The following NFATC1 variants were observed in gnomAD, a reference collection of about 807,000 sequenced individuals.
NFATC1 encodes nuclear factor of activated T cells 1, also known as nuclear factor of activated T-cells, cytoplasmic 1.
In NFATC1, 22 loss-of-function variants were observed where a neutral mutation model predicts 76.0. That is an observed-to-expected ratio of 0.29 (90% CI 0.21 to 0.41). The LOEUF is 0.41. Ranked by LOEUF, NFATC1 falls within the 10% of genes least tolerant of loss-of-function variation. The probability of loss-of-function intolerance (pLI) is 1.00; values close to 1 mark genes in which losing one functional copy is unlikely to be tolerated. For missense variants in NFATC1, 1,357 were observed against 1,337.7 expected (o/e 1.01, Z -0.23); for synonymous variants, 704 against 613.1 (o/e 1.15, Z -2.19).
At position 79,409,938 on chromosome 18, in the gene NFATC1, C is replaced by T. The variant is rs903720086; in HGVS notation, c.128-465C>T. The T allele has an allele frequency of 6.2e-6, 3 of 481,418 alleles. No homozygotes were observed. In the Admixed American group the frequency reaches 6.6e-5, roughly 11 times the overall value. 29.8% of individuals were successfully genotyped at this position (481,418 alleles called of 1,614,324 possible). A position where few individuals can be genotyped will look rare whatever the true frequency, so the allele number is the denominator to read the frequency against. On this transcript the variant is annotated intron_variant, in intron 1 of 9. Transcript: ENST00000427363. ...GAAAAAATAAACTAGAGAAGGATGG[C>T]CCACGTGTTGAGTTTGGGGTTTAAA...
At chr18:79,510,870 G>A (rs1219518340) in intron 9 of NFATC1, among the ~76,000 whole-genome samples, 2 of 150,230 alleles carry the variant, frequency 1.3e-5, no homozygotes, top group African/African-American at 2.5e-5. Context: ...CCTCTGCCGG[G>A]GCATCTTCCG....
At chr18:79,515,624 A>G (rs939291824) in intron 9 of NFATC1, among the ~76,000 whole-genome samples, 3 of 151,982 alleles carry the variant, frequency 2.0e-5, no homozygotes, top group Admixed American at 6.5e-5. Context: ...CTGCCACCCT[A>G]CAAAGAAGGA....
Position 79,529,107 on chromosome 18 carries a change from A to G in NFATC1, c.*1530A>G, listed in dbSNP as rs555434346. ...CGCGTCTCTTGTGTCTCACTCACGG[A>G]AAGAAACAACCTGAAGGCCATCCCG... On this transcript the variant is annotated 3_prime_UTR_variant, in exon 10 of 10. Transcript: ENST00000427363. 4.2e-4 allele frequency: 64 copies of G among 152,424 alleles called. No individual in the cohort carries two copies. Among genetic ancestry groups the G allele is most frequent in the African/African-American group, 1.5e-3 (63 of 41,574 alleles). The allele number at this position is 152,424 out of a possible 1,614,324, so 9.4% of individuals were successfully genotyped here.
In NFATC1 at chr18:79,518,675, T is replaced by C. The variant is rs189681516; in HGVS notation, c.2783-8853T>C. Among the ~76,000 whole-genome samples, 984 of 152,390 alleles carry C rather than the reference T, an allele frequency of 6.5e-3. 10 individuals are homozygous for C. Among genetic ancestry groups the C allele is most frequent in the African/African-American group, 0.021 (894 of 41,600 alleles). On this transcript the variant is annotated intron_variant, in intron 9 of 9. Transcript: ENST00000427363. ...ACAGCAAGGCTGCTCCTGCCCCCGC[T>C]ACTCACCGCAGTGTGAGGATGGGCT...
At chr18:79,443,468 C>G (rs997652348) in intron 3 of NFATC1, among the ~76,000 whole-genome samples, 2 of 152,212 alleles carry the variant, frequency 1.3e-5, no homozygotes, top group East Asian at 1.9e-4. Context: ...ATGGACACGT[C>G]GTCCTGTTCC....
At chr18:79,408,414 C>T (rs960070034) in intron 1 of NFATC1, among the ~76,000 whole-genome samples, 6 of 152,168 alleles carry the variant, frequency 3.9e-5, no homozygotes, top group African/African-American at 7.2e-5. Context: ...TCCAGAGGCA[C>T]GTCTTTCCTG....
At chr18:79,483,277 A>AGCGTGACCTGGTCCTGGGGCGTCACTCCG (rs1569017657) in intron 8 of NFATC1, among the ~76,000 whole-genome samples, 8 of 110,724 alleles carry the variant, frequency 7.2e-5, no homozygotes, top group African/African-American at 2.5e-4. Context: ...GCGTCACTCC[A>AGCGTGACCTGGTCCTGGGGCGTCACTCCG]GCGTGACCTG....
intron 9 of NFATC1, among the ~76,000 whole-genome samples, chr18:79,520,821 G>GTGTGTA (rs1569053043): frequency 2.3e-5 from 1 of 43,792 alleles, no homozygotes. Flanking sequence ...GTCTGTGTGT[G>GTGTGTA]GGGGGGGGCA....
intron 2 of NFATC1, 34 bp downstream of exon 2, chr18:79,411,535 G>A (rs768522089): frequency 2.9e-6 from 4 of 1,387,250 alleles, no homozygotes; most frequent in East Asian, 2.8e-5. Flanking sequence ...ACGGGGAGGC[G>A]AGGGGAGGCG....
rs375567329 is a variant in NFATC1, at chr18:79,410,488, C to T, written c.213C>T (p.Asn71=). 71 of 1,612,232 alleles carry T rather than the reference C, an allele frequency of 4.4e-5. No individual in the cohort carries two copies. In the Middle Eastern group the frequency reaches 2.8e-3, roughly 63 times the overall value. The change falls in exon 2 of 10, where the codon AAC becomes AAT. Residue 71 remains asparagine, a synonymous_variant. Coordinates refer to ENST00000427363, the MANE Select transcript of NFATC1 (RefSeq NM_001278669.2). The surrounding 1 kb of genome is among the most constrained non-coding windows in gnomAD (Gnocchi z 6.7). The part of the protein sequence containing the change: ...AHSTLPAPCH[N]LQTSTPGIIP... ...CCACCCTGCCGGCCCCGTGCCACAA[C>T]CTTCAGACCTCCACACCGGGCATCA...
rs2085649408 is a variant in NFATC1, at chr18:79,410,916, C to G, written c.641C>G (p.Thr214Ser). 3 of 1,606,774 alleles carry G rather than the reference C, an allele frequency of 1.9e-6. No homozygotes were observed. The highest frequency in any genetic ancestry group is 8.5e-7 in the Non-Finnish European group (1 of 1,177,802). The part of the protein sequence containing the change: ...PWQSPCVSPK[T>S]TDPEEGFPRG... The stretch of plus-strand genomic sequence containing the variant: ...CAGTCTCCCTGCGTGTCTCCCAAGA[C>G]CACGGACCCCGAGGAGGGCTTTCCC... Residue 214 changes from threonine (T) to serine (S), a missense_variant, in exon 2 of 10, where the codon ACC (threonine) becomes AGC (serine). Thr to Ser is a moderately conservative substitution (Grantham distance 58). Around this residue, in one of 3 missense-constraint regions of NFATC1, gnomAD observed 691 missense variants for 613.1 expected, o/e 1.13. Coordinates refer to ENST00000427363, the MANE Select transcript of NFATC1 (RefSeq NM_001278669.2). This position sits in a 1 kb window ranked among gnomAD's most constrained non-coding sequence, Gnocchi z 6.7.
intron 8 of NFATC1, among the ~76,000 whole-genome samples, chr18:79,474,203 TTC>T (rs1450635284): frequency 1.5e-4 from 8 of 53,534 alleles, no homozygotes; most frequent in South Asian, 8.1e-4. Flanking sequence ...GGGAAGCGTG[TTC>T]TCATGCTCAC....
At chr18:79,503,799 T>C (rs2090063090) in intron 9 of NFATC1, among the ~76,000 whole-genome samples, 2 of 152,266 alleles carry the variant, frequency 1.3e-5, no homozygotes, top group South Asian at 4.1e-4. Flanking sequence ...TGTTGTTTAG[T>C]GTGGCCACCT....
intron 1 of NFATC1, among the ~76,000 whole-genome samples, chr18:79,408,620 G>A (rs983993851): frequency 1.3e-5 from 2 of 152,198 alleles, no homozygotes; most frequent in Non-Finnish European, 2.9e-5. Context: ...CAATCCTTGA[G>A]GAGTTTTCTT....
At chr18:79,427,467 G>A (rs1383104415) in intron 2 of NFATC1, among the ~76,000 whole-genome samples, 3 of 99,120 alleles carry the variant, frequency 3.0e-5, no homozygotes, top group South Asian at 3.8e-4. Flanking sequence ...TGCGGTGGGT[G>A]GGGGCTGTAC....
intron 3 of NFATC1, among the ~76,000 whole-genome samples, chr18:79,436,148 G>A (rs1461023865): frequency 6.6e-6 from 1 of 152,224 alleles, no homozygotes; most frequent in Non-Finnish European, 1.5e-5. Flanking sequence ...AACCGCAGAC[G>A]TGCCCTCGGT....
chr18:79,447,760 C>T (rs185667286), intron 3 of NFATC1, among the ~76,000 whole-genome samples: 11 of 152,350 alleles, frequency 7.2e-5, no homozygotes, highest in Admixed American at 5.2e-4. Context: ...TTGCCTCTTG[C>T]ATATGGAATC....
chr18:79,520,792 G>GGA (rs2090520691), intron 9 of NFATC1, among the ~76,000 whole-genome samples: 2 of 70,178 alleles, frequency 2.8e-5, no homozygotes, highest in South Asian at 7.1e-4. Flanking sequence ...TGTGTGGGGG[G>GGA]GCATCCACTG....
intron 1 of NFATC1, among the ~76,000 whole-genome samples, chr18:79,408,722 C>A (rs1210050763): frequency 6.6e-6 from 1 of 152,210 alleles, no homozygotes; most frequent in Non-Finnish European, 1.5e-5. Flanking sequence ...CATCCACCAT[C>A]CATCATCATC....
Sources: gnomAD v4.1 joint callset for allele counts (sites outside exome capture counted in the v4.1 genomes callset) on GRCh38, gnomAD v4.1.1 for gene constraint, gnomAD v4.1.1 regional missense constraint, Gnocchi (gnomAD v3.1) non-coding constraint, MANE v1.5 for transcripts, NCBI Gene and HGNC (gene_info 2026-07-23, HGNC 2026-07-21) for gene names.